Variants in ELAPOR1 observed in about 807,000 individuals in gnomAD.
ELAPOR1 encodes endosome/lysosome-associated apoptosis and autophagy regulator 1.
ELAPOR1 carries 77 observed loss-of-function variants against 119.7 expected under a neutral mutation model. The ratio of observed to expected loss-of-function variants is 0.64; its 90% CI spans 0.54 to 0.78. The LOEUF (loss-of-function observed/expected upper bound fraction) is 0.78, where lower values mean the gene tolerates loss of function less well. Ranked by LOEUF, ELAPOR1 falls within the 30% of genes least tolerant of loss-of-function variation. The pLI is 0.00. For missense variants in ELAPOR1, 1,115 were observed against 1,270.4 expected (o/e 0.88, Z 1.86); for synonymous variants, 481 against 487.2 (o/e 0.99, Z 0.17).
At chr1:109,181,139 C>A (rs1652668816) in intron 7 of ELAPOR1, among the ~76,000 whole-genome samples, 1 of 152,124 alleles carries the variant, frequency 6.6e-6, no homozygotes, top group Admixed American at 6.5e-5. Flanking sequence ...AGGAGCTTCA[C>A]AAAAGCATGA....
intron 8 of ELAPOR1, among the ~76,000 whole-genome samples, chr1:109,186,075 G>GA (rs111462175): frequency 1.3e-3 from 187 of 145,092 alleles, no homozygotes; most frequent in Middle Eastern, 3.5e-3. Context: ...TGGTAGGAAG[G>GA]AAAAAAAAAA....
intron 1 of ELAPOR1, among the ~76,000 whole-genome samples, chr1:109,140,826 TA>T (rs1194734037): frequency 6.6e-6 from 1 of 152,202 alleles, no homozygotes; most frequent in Non-Finnish European, 1.5e-5. Flanking sequence ...ACTAAATACT[TA>T]AAAGCTTCAA....
At position 109,144,064 on chromosome 1, in the gene ELAPOR1, T is replaced by A. The variant is rs1193852928; in HGVS notation, c.154-17830T>A. ...ATATATATATATATATTTATATATT[T>A]TTTTTTTTTTTTGAGATGGAGTTTC... On this transcript the variant is annotated intron_variant, in intron 1 of 21. Coordinates refer to ENST00000369939, the MANE Select transcript of ELAPOR1 (RefSeq NM_020775.5). Among the ~76,000 whole-genome samples, 702 of 131,078 alleles carry A rather than the reference T, an allele frequency of 5.4e-3. 57 individuals are homozygous for A. The highest frequency in any genetic ancestry group is 0.019 in the African/African-American group (648 of 33,502). The allele number at this position is 131,078 out of a possible 152,430, so 86.0% of individuals were successfully genotyped here.
Position 109,198,058 on chromosome 1 carries a change from C to T in ELAPOR1, c.2382C>T (p.Asp794=), listed in dbSNP as rs149678762. 2.5e-5 allele frequency: 40 copies of T among 1,613,342 alleles called. No homozygotes were observed. The highest frequency in any genetic ancestry group is 1.9e-4 in the African/African-American group (14 of 74,900). The change falls in exon 17 of 22, where the codon GAC becomes GAT. Residue 794 remains aspartate, a synonymous_variant. Transcript: ENST00000369939. The stretch of plus-strand genomic sequence containing the variant: ...ACCTGGAGTCCTTGGGAATACCGGA[C>T]GTGATCTTCTTTTATAGGTGAAGAT... The part of the protein sequence containing the change: ...LFHLESLGIP[D]VIFFYRSNDV...
intron 1 of ELAPOR1, among the ~76,000 whole-genome samples, chr1:109,128,557 A>G (rs1648942796): frequency 6.6e-6 from 1 of 152,176 alleles, no homozygotes; most frequent in Non-Finnish European, 1.5e-5. Context: ...TCCAGTCCCA[A>G]GGCATCCTTG....
At chr1:109,168,919 T>C (rs1651758694) in intron 3 of ELAPOR1, among the ~76,000 whole-genome samples, 2 of 152,190 alleles carry the variant, frequency 1.3e-5, no homozygotes, top group Admixed American at 1.3e-4. Context: ...ATGAAATGTC[T>C]TCACCGGGGG....
At chr1:109,140,538 G>T (rs1010445787) in intron 1 of ELAPOR1, among the ~76,000 whole-genome samples, 13 of 152,176 alleles carry the variant, frequency 8.5e-5, no homozygotes, top group African/African-American at 3.1e-4. Context: ...GGAGAGGGGA[G>T]CAAAGCACGG....
chr1:109,201,737 T>C (rs17034466), intron 21 of ELAPOR1, among the ~76,000 whole-genome samples: 51,082 of 151,956 alleles, frequency 0.34, 9,540 homozygotes, highest in East Asian at 0.53. Context: ...TTTTTTTAAA[T>C]GAATGGGAGA....
intron 7 of ELAPOR1, among the ~76,000 whole-genome samples, chr1:109,184,073 T>A (rs619353): frequency 0.81 from 123,198 of 151,974 alleles, 50,551 homozygotes; most frequent in East Asian, 1. Context: ...ATAACAATAA[T>A]AAAATAATAA....
At chr1:109,126,795 C>T (rs188435194) in intron 1 of ELAPOR1, among the ~76,000 whole-genome samples, 15 of 152,268 alleles carry the variant, frequency 9.9e-5, no homozygotes, top group South Asian at 6.2e-4. Flanking sequence ...TTAATGAGAT[C>T]ATTAGCCCTC....
intron 1 of ELAPOR1, among the ~76,000 whole-genome samples, chr1:109,128,475 T>TATTTTCTATCTA (rs1648938170): frequency 6.6e-6 from 1 of 152,184 alleles, no homozygotes; most frequent in African/African-American, 2.4e-5. Context: ...TAACCCACTC[T>TATTTTCTATCTA]GGGGAGTGTC....
chr1:109,198,476 C>A, intron 17 of ELAPOR1, 97 bp from the exon 18 acceptor site: 1 of 1,115,346 alleles, frequency 9.0e-7, no homozygotes, highest in Non-Finnish European at 1.3e-6. Flanking sequence ...CCTGACTTCC[C>A]CAGCAAGGGA....
At chr1:109,170,549 G>C (rs533938339) in intron 3 of ELAPOR1, among the ~76,000 whole-genome samples, 14 of 152,292 alleles carry the variant, frequency 9.2e-5, no homozygotes, top group Admixed American at 2.0e-4. Context: ...TCCAGGAAGA[G>C]GGAAGAGGAT....
At chr1:109,162,157 C>A in intron 2 of ELAPOR1, 143 bp downstream of exon 2, 1 of 863,044 alleles carries the variant, frequency 1.2e-6, no homozygotes. Flanking sequence ...CCCCACATCC[C>A]AGACCCTTAT....
At chr1:109,145,458 C>G (rs2101007789) in intron 1 of ELAPOR1, among the ~76,000 whole-genome samples, 2 of 152,110 alleles carry the variant, frequency 1.3e-5, no homozygotes, top group South Asian at 4.2e-4. Flanking sequence ...GTGTTTGAGA[C>G]CAGCATGGTC....
In ELAPOR1 at chr1:109,200,777, C is replaced by G. The variant is rs776539268; in HGVS notation, c.2850C>G (p.Leu950=). 1 of 1,614,098 alleles carries G rather than the reference C, an allele frequency of 6.2e-7. No individual in the cohort carries two copies. The highest frequency in any genetic ancestry group is 1.7e-5 in the Admixed American group (1 of 60,006). The change falls in exon 21 of 22, where the codon CTC becomes CTG. Residue 950 remains leucine (L), a synonymous_variant. Coordinates refer to ENST00000369939, the MANE Select transcript of ELAPOR1 (RefSeq NM_020775.5). ...CCAAGCTGGTGATGAATGCTACTCT[C>G]AAGGACTGTGACCTGCCAGCAGCTG... ...KYSKLVMNAT[L]KDCDLPAADS... is the part of the protein sequence containing the mutation.
chr1:109,122,163 G>A (rs772031611), intron 1 of ELAPOR1, among the ~76,000 whole-genome samples: 7 of 150,704 alleles, frequency 4.6e-5, no homozygotes, highest in Non-Finnish European at 8.9e-5. Context: ...TGTGCCTGTC[G>A]GGTTCAAGCG....
intron 1 of ELAPOR1, among the ~76,000 whole-genome samples, chr1:109,152,461 T>C (rs548886705): frequency 1.3e-5 from 2 of 152,250 alleles, no homozygotes; most frequent in South Asian, 4.2e-4. Context: ...ACTCAGAATG[T>C]GAGACACCTG....
At chr1:109,116,445 G>A (rs1357478091) in intron 1 of ELAPOR1, among the ~76,000 whole-genome samples, 1 of 152,192 alleles carries the variant, frequency 6.6e-6, no homozygotes, top group South Asian at 2.1e-4. Flanking sequence ...CCCCATGCCA[G>A]ATTGGAAATG....
Sources: allele counts gnomAD v4.1 joint callset (sites outside exome capture counted in the v4.1 genomes callset), GRCh38; gene constraint gnomAD v4.1.1; transcripts MANE v1.5; gene names NCBI Gene and HGNC (gene_info 2026-07-23, HGNC 2026-07-21).